ZNF439: variants seen among roughly 807,000 people sequenced by gnomAD.
The protein encoded by ZNF439 is zinc finger protein 439.
ZNF439 carries 40 observed loss-of-function variants against 47.3 expected under a neutral mutation model. The ratio of observed to expected loss-of-function variants is 0.85; its 90% CI spans 0.66 to 1.10. The LOEUF is 1.10. Ranked by LOEUF, ZNF439 falls within the 50% of genes least tolerant of loss-of-function variation. ZNF439 has a pLI of 0.00. For missense variants in ZNF439, 556 were observed against 601.1 expected, an observed-to-expected ratio of 0.93 and a Z score of 0.78; for synonymous variants, 171 against 198.8, an observed-to-expected ratio of 0.86 and a Z score of 1.18.
rs1976691490 is a variant in ZNF439, at chr19:11,866,590, A to G, written c.244A>G (p.Asn82Asp). 3 of 1,613,272 alleles carry G rather than the reference A, an allele frequency of 1.9e-6. No individual in the cohort carries two copies. Among genetic ancestry groups the G allele is most frequent in the Non-Finnish European group, 2.5e-6 (3 of 1,179,446 alleles). Residue 82 changes from asparagine to aspartate, a missense_variant, in exon 3 of 4, where the codon AAC (asparagine) becomes GAC (aspartate). Transcript: ENST00000682736. ...IEYEYQNPRR[N>D]FRSVTEEKVN... is the part of the protein sequence containing the mutation. ...ATATGAGTACCAAAACCCCAGGAGA[A>G]ACTTCAGGTAATTTGCACTTATAAG...
chr19:11,866,547 G>A lies in ZNF439; in HGVS notation c.201G>A (p.Trp67Ter), dbSNP rs141997497. 57 of 1,613,014 alleles carry A rather than the reference G, an allele frequency of 3.5e-5. No individual in the cohort carries two copies. Among genetic ancestry groups the A allele is most frequent in the Non-Finnish European group, 4.6e-5 (54 of 1,179,610 alleles). ...FWNLTSIGKK[W>*]KDQNIEYEYQ... ...GTGTTTGTATTTTAGGAAAAAAGTG[G>A]AAAGACCAGAACATTGAATATGAGT... The change falls in exon 3 of 4, where the codon TGG becomes TGA. Residue 67 changes from tryptophan (W) to a stop codon, truncating the protein, a stop_gained. Coordinates refer to ENST00000682736, the MANE Select transcript of ZNF439 (RefSeq NM_001348719.2). LOFTEE classifies it high-confidence loss of function.
intron 1 of ZNF439, among the ~76,000 whole-genome samples, chr19:11,864,972 G>A (rs942484485): frequency 1.3e-5 from 2 of 151,946 alleles, no homozygotes; most frequent in Non-Finnish European, 2.9e-5. Context: ...TAGAGACAAG[G>A]TTTCTCTATG....
intron 1 of ZNF439, among the ~76,000 whole-genome samples, chr19:11,859,141 C>T (rs1325442875): frequency 6.6e-6 from 1 of 152,216 alleles, no homozygotes; most frequent in Non-Finnish European, 1.5e-5. Flanking sequence ...TGCATCTCTG[C>T]AGCCATGGTA....
At chr19:11,863,263 T>G (rs1164987629) in intron 1 of ZNF439, among the ~76,000 whole-genome samples, 1 of 146,874 alleles carries the variant, frequency 6.8e-6, no homozygotes, top group East Asian at 2.0e-4. Context: ...CAGGATCAAG[T>G]GATTCTCCTG....
In ZNF439 at chr19:11,868,622, G is replaced by T; in HGVS notation, c.*53G>T. On this transcript the variant is annotated 3_prime_UTR_variant, in exon 4 of 4. Coordinates refer to ENST00000682736, the MANE Select transcript of ZNF439 (RefSeq NM_001348719.2). ...TTCTGCCAAGTTATTTCAAACACAT[G>T]AAAAAATTCACACTGGAGAGAAACC... 3 of 1,552,828 alleles carry T rather than the reference G, an allele frequency of 1.9e-6. No homozygotes were observed. The highest frequency in any genetic ancestry group is 2.6e-6 in the Non-Finnish European group (3 of 1,145,472).
At position 11,867,579 on chromosome 19, in the gene ZNF439, CCCCTCCTTG is replaced by C; in HGVS notation, c.526_534del (p.Pro176_Leu178del). On this transcript the variant is annotated inframe_deletion, in exon 4 of 4. Transcript: ENST00000682736. ...AACCTAAAAAAGCCTTCAGATATCA[CCCCTCCTTG>C]AGAACACAAGAAAGGGATCACACTG... 3.7e-6 allele frequency: 6 copies of C among 1,614,042 alleles called. No homozygotes were observed. The African/African-American group carries it at 6.7e-5, about 18-fold the overall frequency.
chr19:11,865,184 C>T (rs557776750), intron 1 of ZNF439, among the ~76,000 whole-genome samples: 3 of 152,310 alleles, frequency 2.0e-5, no homozygotes, highest in South Asian at 2.1e-4. Context: ...GGCTGCATTG[C>T]TCATTACTGC....
rs200937867 is a variant in ZNF439 at position 11,855,150 on chromosome 19, AAAG to A, written c.63+6227_63+6229del. ...CTGGGATTGGATCCCGGTGTGGTATAAAGAAGAAGTATTAAAAGCTTACCACCA... is the reference window on the plus strand; with the variant it reads ...CTGGGATTGGATCCCGGTGTGGTATAAAGAAGTATTAAAAGCTTACCACCA... On this transcript the variant is annotated intron_variant, in intron 1 of 3. Coordinates refer to ENST00000682736, the MANE Select transcript of ZNF439 (RefSeq NM_001348719.2). 9.1e-4 allele frequency among the ~76,000 whole-genome samples: 138 copies of A among 152,326 alleles called. 2 individuals carry two copies. In the East Asian group the frequency reaches 0.014, roughly 16 times the overall value.
chr19:11,854,144 T>G (rs1379220863), intron 1 of ZNF439, among the ~76,000 whole-genome samples: 1 of 152,248 alleles, frequency 6.6e-6, no homozygotes, highest in Non-Finnish European at 1.5e-5. Context: ...ATTTCAACAT[T>G]GCCACTTCAG....
rs79495694 is a variant in ZNF439 at position 11,869,050 on chromosome 19, C to T, written c.*481C>T. ...TTGCATATACATGAAAGGACTCATA[C>T]GAGAGAGAATCCGTATGAATGTAAG... On this transcript the variant is annotated 3_prime_UTR_variant, in exon 4 of 4. Coordinates refer to ENST00000682736, the MANE Select transcript of ZNF439 (RefSeq NM_001348719.2). 1,708 of 254,098 alleles carry T rather than the reference C, an allele frequency of 6.7e-3. 25 individuals carry two copies. The highest frequency in any genetic ancestry group is 0.038 in the African/African-American group (1,605 of 42,746). 15.7% of individuals were successfully genotyped at this position (254,098 alleles called of 1,614,324 possible). A position where few individuals can be genotyped will look rare whatever the true frequency, so the allele number is the denominator to read the frequency against.
intron 1 of ZNF439, 34 bp downstream of exon 1, chr19:11,848,964 G>C: frequency 6.6e-7 from 1 of 1,526,072 alleles, no homozygotes; most frequent in Non-Finnish European, 8.9e-7. Context: ...TGCGATGGGG[G>C]AGGGGCTGCC....
rs1568261826 is a variant in ZNF439, at chr19:11,867,716, G to T, written c.662G>T (p.Cys221Phe). The T allele has an allele frequency of 1.2e-6, 2 of 1,614,098 alleles. No individual in the cohort carries two copies. Among genetic ancestry groups the T allele is most frequent in the African/African-American group, 2.7e-5 (2 of 75,062 alleles). Residue 221 changes from cysteine (C) to phenylalanine (F), a missense_variant, in exon 4 of 4, where the codon TGT becomes TTT. Cys to Phe is a radical substitution (Grantham distance 205). Transcript: ENST00000682736. ...VVHSGDGPYK[C>F]KFCGKAFHCL... is the part of the protein sequence containing the mutation. The stretch of plus-strand genomic sequence containing the variant: ...CACAGTGGGGATGGACCTTATAAAT[G>T]TAAGTTTTGTGGGAAAGCATTCCAT...
chr19:11,857,051 C>G (rs920704149), intron 1 of ZNF439: 2 of 152,192 alleles, frequency 1.3e-5, no homozygotes, highest in Admixed American at 6.5e-5. Context: ...GTAATTAACT[C>G]TGAGCGTTGA....
In ZNF439 at chr19:11,866,149, G is replaced by A. The variant is rs1250131218; in HGVS notation, c.64-56G>A. Reference sequence around the variant, plus strand: ...GAGAACTTCTTGGGAATAGAGTCTAGGCCCCCAATGCTGTCACTCTCACCC... The same window carrying A: ...GAGAACTTCTTGGGAATAGAGTCTAAGCCCCCAATGCTGTCACTCTCACCC... On this transcript the variant is annotated intron_variant, in intron 1 of 3. Coordinates refer to ENST00000682736, the MANE Select transcript of ZNF439 (RefSeq NM_001348719.2). The A allele has an allele frequency of 1.9e-6, 3 of 1,610,874 alleles. No individual in the cohort carries two copies. The Admixed American group carries it at 5.1e-5, about 27-fold the overall frequency.
intron 1 of ZNF439, chr19:11,856,876 G>C (rs1440597176): frequency 6.6e-6 from 1 of 152,250 alleles, no homozygotes; most frequent in Non-Finnish European, 1.5e-5. Flanking sequence ...AGCAGCATGA[G>C]AGCGAACAGC....
At chr19:11,851,231 A>G (rs756538857) in intron 1 of ZNF439, 5 of 152,214 alleles carry the variant, frequency 3.3e-5, no homozygotes, top group Non-Finnish European at 5.9e-5. Context: ...GATCTTGTCT[A>G]TGTAAAGAAT....
intron 1 of ZNF439, among the ~76,000 whole-genome samples, chr19:11,865,623 T>C (rs1227916484): frequency 6.9e-6 from 1 of 145,278 alleles, no homozygotes. Flanking sequence ...TATTAATTCA[T>C]AGTACTCTGT....
chr19:11,862,959 C>T lies in ZNF439; in HGVS notation c.64-3246C>T, dbSNP rs13347001. On this transcript the variant is annotated intron_variant, in intron 1 of 3. Transcript: ENST00000682736. ...AGATGAGATTTTACCTTGTTGGTCA[C>T]GCTGGTCTCAAACTCCTGACCTCAG... Among the ~76,000 whole-genome samples the T allele has an allele frequency of 5.1e-3, 776 of 151,652 alleles. 9 individuals carry two copies. The highest frequency in any genetic ancestry group is 0.017 in the African/African-American group (719 of 41,342).
Position 11,867,334 on chromosome 19 carries a change from A to T in ZNF439, c.280A>T (p.Ile94Phe), listed in dbSNP as rs1439810269. ...RSVTEEKVNE[I>F]KEDSHCGETF... is the part of the protein sequence containing the mutation. ...TGTCACAGAAGAGAAAGTCAATGAA[A>T]TTAAAGAAGACAGTCATTGTGGAGA... The change falls in exon 4 of 4, where the codon ATT (isoleucine) becomes TTT (phenylalanine). Residue 94 changes from isoleucine to phenylalanine, a missense_variant. By Grantham distance (21) the Ile-to-Phe change is conservative. Coordinates refer to ENST00000682736, the MANE Select transcript of ZNF439 (RefSeq NM_001348719.2). 6.2e-7 allele frequency: 1 copy of T among 1,612,538 alleles called. No individual in the cohort carries two copies. Among genetic ancestry groups the T allele is most frequent in the Non-Finnish European group, 8.5e-7 (1 of 1,179,608 alleles).
Sources: gnomAD v4.1 joint callset for allele counts (sites outside exome capture counted in the v4.1 genomes callset) on GRCh38, gnomAD v4.1.1 for gene constraint, MANE v1.5 for transcripts, NCBI Gene and HGNC (gene_info 2026-07-23, HGNC 2026-07-21) for gene names.